Variants in GJC1 observed in about 807,000 individuals in gnomAD.
The protein encoded by GJC1 is gap junction gamma-1 protein.
Under a neutral mutation model 29.3 loss-of-function variants are expected in GJC1, and 5 were observed. That is an observed-to-expected ratio of 0.17 (90% CI 0.09 to 0.36). GJC1 has a LOEUF of 0.36. GJC1 is among the 10% of genes least tolerant of loss of function. The pLI is 1.00. For synonymous variants in GJC1, 177 were observed against 183.3 expected (o/e 0.97, Z 0.28); for missense variants, 310 against 496.2 (o/e 0.62, Z 3.56).
intron 1 of GJC1, among the ~76,000 whole-genome samples, chr17:44,814,650 T>A (rs2050021757): frequency 6.6e-6 from 1 of 151,964 alleles, no homozygotes; most frequent in African/African-American, 2.4e-5. Flanking sequence ...GTGCCTAAAA[T>A]TCAGGACATA....
rs2229395 is a variant in GJC1 at position 44,804,912 on chromosome 17, G to A, written c.906C>T (p.Thr302=). ...IAVKPDQIQY[T]ELSNAKIAYK... ...AGGCGATCTTAGCATTGGACAGTTC[G>A]GTGTACTGGATTTGATCTGGTTTGA... Residue 302 remains threonine (T), a synonymous_variant, in exon 3 of 3, where the codon ACC becomes ACT. Coordinates refer to ENST00000592524, the MANE Select transcript of GJC1 (RefSeq NM_005497.4). The A allele has an allele frequency of 7.1e-3, 11,540 of 1,614,078 alleles. 724 individuals carry two copies. In the African/African-American group the frequency reaches 0.14, roughly 19 times the overall value.
intron 1 of GJC1, among the ~76,000 whole-genome samples, chr17:44,824,875 AT>A (rs34186851): frequency 0.5 from 62,275 of 125,576 alleles, 15,758 homozygotes; most frequent in East Asian, 0.58. Flanking sequence ...GAGTCCAACT[AT>A]TTTTTTTTTT....
intron 1 of GJC1, among the ~76,000 whole-genome samples, chr17:44,826,528 T>TAA (rs528084857): frequency 4.2e-5 from 5 of 118,096 alleles, no homozygotes; most frequent in Admixed American, 8.9e-5. Flanking sequence ...AGACTCCGTC[T>TAA]AAAAAAAAAA....
intron 2 of GJC1, among the ~76,000 whole-genome samples, chr17:44,807,134 G>C (rs1379889953): frequency 6.6e-6 from 1 of 152,132 alleles, no homozygotes; most frequent in Non-Finnish European, 1.5e-5. Context: ...TTGCTAAACT[G>C]AACTGTGAGG....
intron 1 of GJC1, among the ~76,000 whole-genome samples, chr17:44,819,764 G>A (rs984795546): frequency 1.3e-5 from 2 of 151,884 alleles, no homozygotes; most frequent in African/African-American, 2.4e-5. Flanking sequence ...TACATACCAC[G>A]TTTTTTTTAT....
intron 1 of GJC1, among the ~76,000 whole-genome samples, chr17:44,826,389 G>A (rs9911806): frequency 0.033 from 5,052 of 152,154 alleles, 174 homozygotes; most frequent in African/African-American, 0.07. Flanking sequence ...AATTAGCCGG[G>A]CATGGTGGTG....
chr17:44,812,813 A>G (rs1363971569), intron 1 of GJC1, among the ~76,000 whole-genome samples: 7 of 151,384 alleles, frequency 4.6e-5, no homozygotes. Context: ...ATGCCCGGCT[A>G]ATTTTTTGTA....
downstream of GJC1, among the ~76,000 whole-genome samples, chr17:44,795,459 T>C (rs1283145047): frequency 6.6e-6 from 1 of 152,188 alleles, no homozygotes; most frequent in Non-Finnish European, 1.5e-5. Context: ...GTCTTGGAAC[T>C]CCTGACCTCG....
At chr17:44,827,747 A>G (rs2050191807) in intron 1 of GJC1, among the ~76,000 whole-genome samples, 1 of 152,146 alleles carries the variant, frequency 6.6e-6, no homozygotes, top group African/African-American at 2.4e-5. Context: ...CATGGCTAAC[A>G]TGGTGAAACC....
At position 44,804,582 on chromosome 17, in the gene GJC1, G is replaced by T; in HGVS notation, c.*45C>A. On this transcript the variant is annotated 3_prime_UTR_variant, in exon 3 of 3. Transcript: ENST00000592524. ...GGAAGTCATTATTCAGTGAGCTGCT[G>T]CTTACCATAAACTATGAAAAGCACA... is the stretch of plus-strand genomic sequence containing the variant. 7.2e-7 allele frequency: 1 copy of T among 1,396,940 alleles called. No homozygotes were observed. The highest frequency in any genetic ancestry group is 1.0e-6 in the Non-Finnish European group (1 of 1,005,014). The allele number at this position is 1,396,940 out of a possible 1,614,324, so 86.5% of individuals were successfully genotyped here.
chr17:44,804,682 T>C lies in GJC1; in HGVS notation c.1136A>G (p.Asn379Ser), dbSNP rs1182937902. The change falls in exon 3 of 3, where the codon AAC becomes AGC. Residue 379 changes from asparagine to serine, a missense_variant. By Grantham distance (46) the Asn-to-Ser change is conservative. Around this residue, in one of 4 missense-constraint regions of GJC1, gnomAD observed 146 missense variants for 165.0 expected, o/e 0.88. Coordinates refer to ENST00000592524, the MANE Select transcript of GJC1 (RefSeq NM_005497.4). ...KAKVGSKAGS[N>S]KSTASSKSGD... is the part of the protein sequence containing the mutation. Reference sequence around the variant, plus strand: ...TGATTTGCTACTGGCAGTGCTTTTGTTGGACCCAGCTTTGGACCCCACTTT... The same window carrying C: ...TGATTTGCTACTGGCAGTGCTTTTGCTGGACCCAGCTTTGGACCCCACTTT... The C allele has an allele frequency of 2.5e-6, 4 of 1,614,186 alleles. No individual in the cohort carries two copies. The highest frequency in any genetic ancestry group is 3.4e-6 in the Non-Finnish European group (4 of 1,180,028).
At chr17:44,826,360 C>T (rs1244242952) in intron 1 of GJC1, among the ~76,000 whole-genome samples, 2 of 151,940 alleles carry the variant, frequency 1.3e-5, no homozygotes, top group Non-Finnish European at 2.9e-5. Flanking sequence ...ATGAAACAGT[C>T]TCTACTAAAA....
At chr17:44,828,067 T>C (rs1486659715) in intron 1 of GJC1, among the ~76,000 whole-genome samples, 1 of 152,194 alleles carries the variant, frequency 6.6e-6, no homozygotes, top group Non-Finnish European at 1.5e-5. Flanking sequence ...ATTACTCAAT[T>C]GATAGGCAAG....
At chr17:44,809,652 C>T (rs1292651830) in intron 1 of GJC1, among the ~76,000 whole-genome samples, 1 of 151,536 alleles carries the variant, frequency 6.6e-6, no homozygotes, top group African/African-American at 2.4e-5. Flanking sequence ...CTCGCCACAA[C>T]CTCCACCTCC....
At chr17:44,806,312 T>C (rs969181549) in intron 2 of GJC1, among the ~76,000 whole-genome samples, 1 of 152,138 alleles carries the variant, frequency 6.6e-6, no homozygotes, top group Admixed American at 6.6e-5. Flanking sequence ...CCAGAAAGTA[T>C]GGATTGCTTT....
chr17:44,822,365 G>A (rs973134700), intron 1 of GJC1, among the ~76,000 whole-genome samples: 1 of 151,762 alleles, frequency 6.6e-6, no homozygotes, highest in African/African-American at 2.4e-5. Flanking sequence ...CTAAAATTAG[G>A]GTGTGTTGGC....
intron 1 of GJC1, among the ~76,000 whole-genome samples, chr17:44,824,690 G>C (rs1434321078): frequency 3.3e-5 from 5 of 151,648 alleles, no homozygotes; most frequent in Non-Finnish European, 7.4e-5. Flanking sequence ...TGCGCCAGTA[G>C]TCCCAATTAC....
In GJC1 at chr17:44,804,639, G is replaced by C. The variant is rs776943360; in HGVS notation, c.1179C>G (p.Ser393=). The C allele has an allele frequency of 6.2e-7, 1 of 1,611,552 alleles. No individual in the cohort carries two copies. Among genetic ancestry groups the C allele is most frequent in the Non-Finnish European group, 8.5e-7 (1 of 1,178,332 alleles). ...ASSKSGDGKT[S]VWI is the part of the protein sequence containing the mutation. Reference sequence around the variant, plus strand: ...AAGCCCGCCAGGATTAAATCCAGACGGAGGTCTTCCCATCCCCTGATTTGC... The same window carrying C: ...AAGCCCGCCAGGATTAAATCCAGACCGAGGTCTTCCCATCCCCTGATTTGC... The change falls in exon 3 of 3, where the codon TCC becomes TCG. Residue 393 remains serine (S), a synonymous_variant. Transcript: ENST00000592524.
chr17:44,813,728 G>A (rs950659547), intron 1 of GJC1, among the ~76,000 whole-genome samples: 6 of 151,840 alleles, frequency 4.0e-5, no homozygotes, highest in African/African-American at 1.5e-4. Context: ...CCTGACCTCA[G>A]GTGATCTGCT....
Sources: gnomAD v4.1 joint callset for allele counts (sites outside exome capture counted in the v4.1 genomes callset) on GRCh38, gnomAD v4.1.1 for gene constraint, gnomAD v4.1.1 regional missense constraint, MANE v1.5 for transcripts, NCBI Gene and HGNC (gene_info 2026-07-23, HGNC 2026-07-21) for gene names.